ADGRL2: variants seen among roughly 807,000 people sequenced by gnomAD.
ADGRL2 encodes the protein calcium-independent alpha-latrotoxin receptor 2.
In ADGRL2, 44 loss-of-function variants were observed where a neutral mutation model predicts 157.4. The observed-to-expected ratio is 0.28, with a 90% CI of 0.22 to 0.36. ADGRL2 has a LOEUF of 0.36. Among genes scored for constraint, ADGRL2 ranks in the 10% least tolerant of loss-of-function variants. The pLI is 1.00. For missense variants in ADGRL2, 1,510 were observed against 1,768.9 expected (o/e 0.85, Z 2.63); for synonymous variants, 585 against 624.7 (o/e 0.94, Z 0.95).
intron 1 of ADGRL2, among the ~76,000 whole-genome samples, chr1:81,821,225 A>C (rs569201663): frequency 6.6e-6 from 1 of 152,324 alleles, no homozygotes; most frequent in Admixed American, 6.5e-5. Flanking sequence ...AGTTTTGACA[A>C]TCTTAACAAG....
chr1:81,774,435 A>C (rs1027927208), intron 2 of ADGRL2, among the ~76,000 whole-genome samples: 1 of 152,192 alleles, frequency 6.6e-6, no homozygotes, highest in South Asian at 2.1e-4. Flanking sequence ...GATGGAGTCC[A>C]TGGTTCCCAA....
intron 2 of ADGRL2, among the ~76,000 whole-genome samples, chr1:81,486,862 C>G (rs79680803): frequency 2.6e-5 from 4 of 152,002 alleles, no homozygotes; most frequent in Non-Finnish European, 5.9e-5. Context: ...AAGTGCATAC[C>G]TTTTTGAAAG....
intron 1 of ADGRL2, chr1:81,721,674 C>A (rs1382413304): frequency 1.8e-6 from 2 of 1,108,768 alleles, no homozygotes; most frequent in African/African-American, 1.5e-5. Flanking sequence ...TCTTCAGCTT[C>A]GCCCACTGCT....
chr1:81,504,478 G>C (rs2078925444), intron 2 of ADGRL2, among the ~76,000 whole-genome samples: 1 of 151,626 alleles, frequency 6.6e-6, no homozygotes, highest in Non-Finnish European at 1.5e-5. Context: ...TTTTATATGT[G>C]TTTTGCTGAC....
chr1:81,612,548 T>A (rs1189964354), intron 3 of ADGRL2, among the ~76,000 whole-genome samples: 1 of 152,150 alleles, frequency 6.6e-6, no homozygotes, highest in Non-Finnish European at 1.5e-5. Flanking sequence ...TATGCAAATT[T>A]GGCAGAGCAT....
At chr1:81,563,553 T>C (rs923725348) in intron 2 of ADGRL2, among the ~76,000 whole-genome samples, 3 of 152,322 alleles carry the variant, frequency 2.0e-5, no homozygotes, top group Non-Finnish European at 4.4e-5. Context: ...GATGGCATTA[T>C]TTTATATGTA....
At chr1:81,830,377 A>C (rs2091859166) in intron 1 of ADGRL2, among the ~76,000 whole-genome samples, 1 of 152,216 alleles carries the variant, frequency 6.6e-6, no homozygotes, top group Non-Finnish European at 1.5e-5. Flanking sequence ...GTAAGTTTAG[A>C]TAACACTATA....
At chr1:81,367,688 G>T (rs2076090639) in intron 1 of ADGRL2, among the ~76,000 whole-genome samples, 2 of 152,132 alleles carry the variant, frequency 1.3e-5, no homozygotes, top group Admixed American at 1.3e-4. Flanking sequence ...AAGTAGCTGG[G>T]ATTACAGGCA....
chr1:81,585,981 G>C (rs1352530058), intron 3 of ADGRL2: 1 of 151,874 alleles, frequency 6.6e-6, no homozygotes, highest in East Asian at 1.9e-4. Flanking sequence ...AATATAAAGT[G>C]GTAGAGGATG....
chr1:81,512,291 T>C (rs1308455183), intron 2 of ADGRL2, among the ~76,000 whole-genome samples: 1 of 152,188 alleles, frequency 6.6e-6, no homozygotes, highest in African/African-American at 2.4e-5. Flanking sequence ...GCAAATTGCT[T>C]TATTGGTGAA....
chr1:81,712,017 G>C (rs138261246), intron 1 of ADGRL2, among the ~76,000 whole-genome samples: 1 of 152,164 alleles, frequency 6.6e-6, no homozygotes, highest in East Asian at 1.9e-4. Flanking sequence ...CCAAGTGTCC[G>C]CCAAGTAGAG....
intron 1 of ADGRL2, among the ~76,000 whole-genome samples, chr1:81,741,548 A>G (rs1315808227): frequency 6.6e-6 from 1 of 152,208 alleles, no homozygotes; most frequent in Non-Finnish European, 1.5e-5. Context: ...ATTTAAAGGT[A>G]CATGTGAATT....
chr1:81,874,248 T>A (rs2093771827), intron 2 of ADGRL2, among the ~76,000 whole-genome samples: 1 of 152,130 alleles, frequency 6.6e-6, no homozygotes, highest in African/African-American at 2.4e-5. Context: ...AGATCATAGG[T>A]CAAGCTGAAA....
intron 4 of ADGRL2, among the ~76,000 whole-genome samples, chr1:81,937,173 C>G (rs956543118): frequency 9.9e-5 from 15 of 151,874 alleles, no homozygotes; most frequent in Non-Finnish European, 1.9e-4. Flanking sequence ...TCACAGTTTT[C>G]TAAAGAAGGA....
At chr1:81,909,326 T>C (rs2094657335) in intron 3 of ADGRL2, among the ~76,000 whole-genome samples, 1 of 152,198 alleles carries the variant, frequency 6.6e-6, no homozygotes, top group South Asian at 2.1e-4. Context: ...TCCCAGTTTT[T>C]GGCTTGTTTT....
chr1:81,746,664 T>C (rs995831897), intron 1 of ADGRL2, among the ~76,000 whole-genome samples: 2 of 152,150 alleles, frequency 1.3e-5, no homozygotes, highest in African/African-American at 4.8e-5. Context: ...AAAAATGATA[T>C]GTTTATAGTA....
At chr1:81,516,519 T>A (rs936812664) in intron 2 of ADGRL2, among the ~76,000 whole-genome samples, 1 of 152,160 alleles carries the variant, frequency 6.6e-6, no homozygotes, top group Non-Finnish European at 1.5e-5. Context: ...GAGCCCCACA[T>A]GTTTTCCATG....
intron 2 of ADGRL2, among the ~76,000 whole-genome samples, chr1:81,525,826 C>T (rs1035812479): frequency 2.1e-5 from 3 of 143,400 alleles, no homozygotes; most frequent in African/African-American, 8.9e-5. Context: ...AATGTTCTAC[C>T]TTTTGCCATG....
At chr1:81,390,309 T>G (rs1418305277) in intron 1 of ADGRL2, among the ~76,000 whole-genome samples, 1 of 152,288 alleles carries the variant, frequency 6.6e-6, no homozygotes, top group South Asian at 2.1e-4. Flanking sequence ...TTATGAAAAC[T>G]GTGTAAGACT....
Sources: gnomAD v4.1 joint callset for allele counts (sites outside exome capture counted in the v4.1 genomes callset) on GRCh38, gnomAD v4.1.1 for gene constraint, MANE v1.5 for transcripts, NCBI Gene and HGNC (gene_info 2026-07-23, HGNC 2026-07-21) for gene names.